The following TMEM156 variants were observed in gnomAD, a reference collection of about 807,000 sequenced individuals.
The protein encoded by TMEM156 is transmembrane protein 156.
In TMEM156, 28 loss-of-function variants were observed where a neutral mutation model predicts 30.5. The observed-to-expected ratio is 0.92, with a 90% CI of 0.68 to 1.26. The LOEUF is 1.26. Ranked by LOEUF, TMEM156 falls within the 50% of genes most tolerant of loss-of-function variation. TMEM156 has a pLI of 0.00. For missense variants in TMEM156, 351 were observed against 340.6 expected (o/e 1.03, Z -0.24); for synonymous variants, 137 against 119.9 (o/e 1.14, Z -0.93).
intron 4 of TMEM156, among the ~76,000 whole-genome samples, 180 bp downstream of exon 4, chr4:38,988,671 A>C (rs1712186698): frequency 6.6e-6 from 1 of 152,230 alleles, no homozygotes; most frequent in Non-Finnish European, 1.5e-5. Flanking sequence ...AGTAGAAGAA[A>C]GATGAATGAA....
rs561784273 is a variant in TMEM156, at chr4:38,975,088, A to G, written c.824-3951T>C. ...CTACGGAAAAACTAAAATCACCACT[A>G]AAGTTAGAATTTCTTCTTACCCTTT... is the stretch of plus-strand genomic sequence containing the variant. On this transcript the variant is annotated intron_variant, in intron 5 of 6. Coordinates refer to ENST00000381938, the MANE Select transcript of TMEM156 (RefSeq NM_024943.3). 3.3e-5 allele frequency among the ~76,000 whole-genome samples: 5 copies of G among 152,300 alleles called. No homozygotes were observed. The South Asian group carries it at 1.0e-3, about 32-fold the overall frequency.
At chr4:39,001,831 T>A (rs1339840536) in intron 1 of TMEM156, among the ~76,000 whole-genome samples, 1 of 149,346 alleles carries the variant, frequency 6.7e-6, no homozygotes, top group African/African-American at 2.4e-5. Context: ...GCTAACCATA[T>A]GTAGAAAGCT....
chr4:38,970,475 C>T (rs1467762256), intron 6 of TMEM156, among the ~76,000 whole-genome samples: 1 of 152,066 alleles, frequency 6.6e-6, no homozygotes. Flanking sequence ...GTTTCCCTCC[C>T]CTTCCCTGTT....
intron 5 of TMEM156, among the ~76,000 whole-genome samples, chr4:38,983,872 C>G (rs1711762254): frequency 6.6e-6 from 1 of 152,204 alleles, no homozygotes; most frequent in Non-Finnish European, 1.5e-5. Flanking sequence ...ATTTCCCAAT[C>G]CCTCAGACTC....
At chr4:39,016,251 T>TA (rs1714474151) in intron 1 of TMEM156, among the ~76,000 whole-genome samples, 1 of 151,968 alleles carries the variant, frequency 6.6e-6, no homozygotes, top group South Asian at 2.1e-4. Context: ...TGTGAGTCTG[T>TA]AGTCCCAGCT....
chr4:38,970,373 A>G (rs1258796728), intron 6 of TMEM156, among the ~76,000 whole-genome samples: 3 of 152,128 alleles, frequency 2.0e-5, no homozygotes, highest in African/African-American at 7.2e-5. Flanking sequence ...TCCTGATAGG[A>G]CCTTGACTGA....
At chr4:39,004,566 G>A (rs908547728) in intron 1 of TMEM156, among the ~76,000 whole-genome samples, 4 of 151,948 alleles carry the variant, frequency 2.6e-5, no homozygotes, top group African/African-American at 9.7e-5. Flanking sequence ...ACATATATAT[G>A]GAATATACCA....
intron 1 of TMEM156, among the ~76,000 whole-genome samples, chr4:39,018,198 C>G (rs1264170944): frequency 6.6e-6 from 1 of 151,998 alleles, no homozygotes; most frequent in Non-Finnish European, 1.5e-5. Flanking sequence ...AACATGCATT[C>G]TTAAAGCCTA....
chr4:38,978,328 G>A (rs749134203), intron 5 of TMEM156, among the ~76,000 whole-genome samples: 7 of 152,128 alleles, frequency 4.6e-5, no homozygotes, highest in South Asian at 2.1e-4. Context: ...GTCCCTCTGT[G>A]CCCTCCACGT....
intron 1 of TMEM156, among the ~76,000 whole-genome samples, chr4:39,028,771 C>T (rs1460793975): frequency 6.6e-6 from 1 of 152,224 alleles, no homozygotes; most frequent in Admixed American, 6.5e-5. Flanking sequence ...ATATCCACCA[C>T]TCCCTTTTGT....
chr4:39,032,129 A>G (rs1450791364), intron 1 of TMEM156, 97 bp downstream of exon 1: 4 of 733,722 alleles, frequency 5.5e-6, no homozygotes, highest in African/African-American at 5.3e-5. Flanking sequence ...CAGCCTATGC[A>G]GCATGTGTCC....
At chr4:39,018,959 T>C (rs1376435546) in intron 1 of TMEM156, among the ~76,000 whole-genome samples, 2 of 149,432 alleles carry the variant, frequency 1.3e-5, no homozygotes, top group East Asian at 3.9e-4. Flanking sequence ...AGGCAAATGT[T>C]GCAGTGAGCC....
At chr4:39,018,117 A>C (rs1714621489) in intron 1 of TMEM156, among the ~76,000 whole-genome samples, 1 of 150,430 alleles carries the variant, frequency 6.6e-6, no homozygotes, top group South Asian at 2.1e-4. Flanking sequence ...TCATTCCATT[A>C]TTTTTCCCTT....
chr4:38,988,737 A>G lies in TMEM156; in HGVS notation c.739+114T>C, dbSNP rs373376982. ...TACGTTTTTATTCCTTGAGTTACCA[A>G]GAATCACCACTTATTCACAGTAGGT... On this transcript the variant is annotated intron_variant, in intron 4 of 6. Transcript: ENST00000381938. 12 of 1,371,244 alleles carry G rather than the reference A, an allele frequency of 8.8e-6. No individual in the cohort carries two copies. In the Admixed American group the frequency reaches 1.0e-4, roughly 12 times the overall value. The allele number at this position is 1,371,244 out of a possible 1,614,324, so 84.9% of individuals were successfully genotyped here. A position where few individuals can be genotyped will look rare whatever the true frequency, so the allele number is the denominator to read the frequency against.
chr4:38,970,539 T>C (rs1304458102), intron 6 of TMEM156, among the ~76,000 whole-genome samples: 1 of 152,124 alleles, frequency 6.6e-6, no homozygotes, highest in African/African-American at 2.4e-5. Context: ...ACATAATTGC[T>C]ACTTAAGAAA....
intron 1 of TMEM156, among the ~76,000 whole-genome samples, chr4:39,007,279 G>A (rs1013113245): frequency 1.3e-5 from 2 of 151,916 alleles, no homozygotes; most frequent in Non-Finnish European, 2.9e-5. Context: ...GCAATCCTTC[G>A]CTCATTTCAA....
rs76208081 is a variant in TMEM156 at position 39,019,024 on chromosome 4, AAAACAAAAC to A, written c.88+13193_88+13201del. ...CGACAGAGCGAGACTCCATCTTAAA[AAAACAAAAC>A]AAAAAAAAAAAAAAAACCTCTTCAG... is the stretch of plus-strand genomic sequence containing the variant. On this transcript the variant is annotated intron_variant, in intron 1 of 6. Coordinates refer to ENST00000381938, the MANE Select transcript of TMEM156 (RefSeq NM_024943.3). 2.1e-3 allele frequency among the ~76,000 whole-genome samples: 132 copies of A among 64,314 alleles called. 1 individual carries two copies. The highest frequency in any genetic ancestry group is 0.015 in the African/African-American group (121 of 8,294). 42.2% of individuals were successfully genotyped at this position (64,314 alleles called of 152,430 possible). A position where few individuals can be genotyped will look rare whatever the true frequency, so the allele number is the denominator to read the frequency against.
At chr4:39,018,957 G>A (rs904933315) in intron 1 of TMEM156, among the ~76,000 whole-genome samples, 15 of 148,654 alleles carry the variant, frequency 1.0e-4, no homozygotes, top group Non-Finnish European at 2.1e-4. Flanking sequence ...GGAGGCAAAT[G>A]TTGCAGTGAG....
intron 2 of TMEM156, among the ~76,000 whole-genome samples, chr4:38,995,405 A>G (rs905918576): frequency 6.6e-6 from 1 of 152,174 alleles, no homozygotes; most frequent in Non-Finnish European, 1.5e-5. Context: ...ATCTGGTAGC[A>G]TTCGTGATTT....
Sources: gnomAD v4.1 joint callset for allele counts (sites outside exome capture counted in the v4.1 genomes callset) on GRCh38, gnomAD v4.1.1 for gene constraint, MANE v1.5 for transcripts, NCBI Gene and HGNC (gene_info 2026-07-23, HGNC 2026-07-21) for gene names.